The following COL21A1 variants were observed in gnomAD, a reference collection of about 807,000 sequenced individuals.
COL21A1 encodes collagen type XXI alpha 1 chain, also known as collagen alpha-1(XXI) chain.
Under a neutral mutation model 137.9 loss-of-function variants are expected in COL21A1, and 149 were observed. The ratio of observed to expected loss-of-function variants is 1.08; its 90% CI spans 0.95 to 1.24. The LOEUF is 1.24. Ranked by LOEUF, COL21A1 falls within the 50% of genes most tolerant of loss-of-function variation. The pLI, the probability that COL21A1 is intolerant of heterozygous loss-of-function variation, is 0.00. For synonymous variants in COL21A1, 456 were observed against 391.5 expected (o/e 1.16, Z -1.95); for missense variants, 1,167 against 1,158.4 (o/e 1.01, Z -0.11).
intron 1 of COL21A1, among the ~76,000 whole-genome samples, chr6:56,281,421 C>T (rs1043698367): frequency 1.3e-5 from 2 of 152,000 alleles, no homozygotes; most frequent in African/African-American, 4.8e-5. Flanking sequence ...TGAGGAAAAG[C>T]AAAAAGGTAA....
At chr6:56,345,387 G>T (rs986984112) in intron 1 of COL21A1, among the ~76,000 whole-genome samples, 1 of 152,122 alleles carries the variant, frequency 6.6e-6, no homozygotes, top group Non-Finnish European at 1.5e-5. Context: ...GCCCATATAT[G>T]ATCTAATTTT....
At chr6:56,351,865 A>G (rs1052734984) in intron 1 of COL21A1, among the ~76,000 whole-genome samples, 1 of 152,344 alleles carries the variant, frequency 6.6e-6, no homozygotes, top group African/African-American at 2.4e-5. Context: ...GTCTTACAAC[A>G]TGATATGTTA....
chr6:56,068,965 T>C (rs944404184), intron 22 of COL21A1, 81 bp downstream of exon 22: 2 of 839,828 alleles, frequency 2.4e-6, no homozygotes, highest in Non-Finnish European at 3.9e-6. Context: ...TAACAAGTCC[T>C]ACTTTAAGAA....
intron 1 of COL21A1, among the ~76,000 whole-genome samples, chr6:56,200,529 C>T (rs1251577979): frequency 1.4e-5 from 2 of 145,230 alleles, no homozygotes; most frequent in Non-Finnish European, 3.0e-5. Context: ...GTTCAATTCC[C>T]ACCTATGAGT....
chr6:56,126,885 T>C (rs2152215235), intron 12 of COL21A1, among the ~76,000 whole-genome samples: 1 of 152,310 alleles, frequency 6.6e-6, no homozygotes, highest in East Asian at 1.9e-4. Context: ...ATTATACTCC[T>C]AGCTTGTCTG....
chr6:56,060,763 T>G lies in COL21A1; in HGVS notation c.2385A>C (p.Gln795His), dbSNP rs574540808. 6.2e-7 allele frequency: 1 copy of G among 1,609,946 alleles called. No homozygotes were observed. The highest frequency in any genetic ancestry group is 1.1e-5 in the South Asian group (1 of 90,152). Residue 795 changes from glutamine (Q) to histidine (H), a missense_variant, in exon 27 of 30, where the codon CAA becomes CAC. Transcript: ENST00000244728. Reference sequence around the variant, plus strand: ...TACCTCTTATTACATCTGTGCAAACTTGTCGAATAAATTGTTCTGAAAACT... The same window carrying G: ...TACCTCTTATTACATCTGTGCAAACGTGTCGAATAAATTGTTCTGAAAACT... ...GREFSEQFIR[Q>H]VCTDVIRAQL...
At chr6:56,202,954 A>T (rs1224291587) in intron 1 of COL21A1, among the ~76,000 whole-genome samples, 1 of 152,180 alleles carries the variant, frequency 6.6e-6, no homozygotes, top group Non-Finnish European at 1.5e-5. Context: ...ACAGGATTCC[A>T]TTGGTGATTT....
rs1777765922 is a variant in COL21A1 at position 56,179,868 on chromosome 6, CCT to C, written c.348_349del (p.Gly117GlufsTer20). 1.2e-6 allele frequency: 2 copies of C among 1,613,786 alleles called. No homozygotes were observed. The highest frequency in any genetic ancestry group is 1.3e-5 in the African/African-American group (1 of 74,894). On this transcript the variant is annotated frameshift_variant, in exon 3 of 30. Coordinates refer to ENST00000244728, the MANE Select transcript of COL21A1 (RefSeq NM_030820.4). LOFTEE classifies it high-confidence loss of function. Reference sequence around the variant, plus strand: ...ATCGAGCGCAAACTGGATGGCCTTCCCTGTCTTTGTGTTTCCTCCTAAGTAGA... The same window carrying C: ...ATCGAGCGCAAACTGGATGGCCTTCCGTCTTTGTGTTTCCTCCTAAGTAGA...
In COL21A1 at chr6:56,174,005, G is replaced by A. The variant is rs7759984; in HGVS notation, c.641-2877C>T. 8.2e-3 allele frequency among the ~76,000 whole-genome samples: 1,245 copies of A among 152,024 alleles called. 19 individuals carry two copies. The highest frequency in any genetic ancestry group is 0.028 in the African/African-American group (1,171 of 41,464). ...ACCAGTATATTTTCCAACCACAATGGAATAAAACTAAAAATTAACAACAGG... is the reference window on the plus strand; with the variant it reads ...ACCAGTATATTTTCCAACCACAATGAAATAAAACTAAAAATTAACAACAGG... On this transcript the variant is annotated intron_variant, in intron 3 of 29. Coordinates refer to ENST00000244728, the MANE Select transcript of COL21A1 (RefSeq NM_030820.4).
Position 56,101,501 on chromosome 6 carries a change from G to C in COL21A1, c.1783C>G (p.Pro595Ala). The part of the protein sequence containing the change: ...FKGEAGSPGA[P>A]GQDGTRGEPG... ...TCTCCCCGTGTTCCATCCTGCCCCG[G>C]AGCACCAGGGGATCCTGCTTCTCCC... Residue 595 changes from proline to alanine, a missense_variant, in exon 17 of 30, where the codon CCG (proline) becomes GCG (alanine). Coordinates refer to ENST00000244728, the MANE Select transcript of COL21A1 (RefSeq NM_030820.4). The C allele has an allele frequency of 6.3e-7, 1 of 1,594,694 alleles. No homozygotes were observed. Among genetic ancestry groups the C allele is most frequent in the Non-Finnish European group, 8.6e-7 (1 of 1,169,552 alleles).
At chr6:56,282,620 T>C (rs1286013994) in intron 1 of COL21A1, among the ~76,000 whole-genome samples, 1 of 152,228 alleles carries the variant, frequency 6.6e-6, no homozygotes, top group Non-Finnish European at 1.5e-5. Context: ...GCCTGAAAAC[T>C]TCTGCCAGAT....
Position 56,125,949 on chromosome 6 carries a change from T to A in COL21A1, c.1596+147A>T, listed in dbSNP as rs1053858381. On this transcript the variant is annotated intron_variant, in intron 13 of 29. Transcript: ENST00000244728. ...AAAGGGAATTTTGTAAAGTTTTATA[T>A]AAACTAATATTAATCTTAGCCCATT... The A allele has an allele frequency of 1.9e-5, 10 of 534,124 alleles. 1 individual carries two copies. The Admixed American group carries it at 3.7e-4, about 20-fold the overall frequency. 33.1% of individuals were successfully genotyped at this position (534,124 alleles called of 1,614,324 possible).
intron 1 of COL21A1, among the ~76,000 whole-genome samples, chr6:56,330,431 T>C (rs1471897352): frequency 6.6e-6 from 1 of 152,122 alleles, no homozygotes; most frequent in Non-Finnish European, 1.5e-5. Context: ...TTTATTTTTA[T>C]TTTTCTGCTA....
chr6:56,291,122 CAGTG>C (rs1446394620), intron 1 of COL21A1, among the ~76,000 whole-genome samples: 1 of 152,116 alleles, frequency 6.6e-6, no homozygotes, highest in African/African-American at 2.4e-5. Context: ...GTTATCTGAA[CAGTG>C]AGAATCTTGT....
At chr6:56,364,654 C>T (rs75997673) in intron 1 of COL21A1, among the ~76,000 whole-genome samples, 2,889 of 152,104 alleles carry the variant, frequency 0.019, 46 homozygotes, top group East Asian at 0.057. Flanking sequence ...TTTTATCTTG[C>T]CTGGCTTTAG....
In COL21A1 at chr6:56,075,522, C is replaced by A; in HGVS notation, c.1868G>T (p.Gly623Val). 1.3e-6 allele frequency: 2 copies of A among 1,518,114 alleles called. No individual in the cohort carries two copies. The highest frequency in any genetic ancestry group is 1.8e-6 in the Non-Finnish European group (2 of 1,134,350). 94.0% of individuals were successfully genotyped at this position (1,518,114 alleles called of 1,614,324 possible). A position where few individuals can be genotyped will look rare whatever the true frequency, so the allele number is the denominator to read the frequency against. ...TTTTTTTCCTTGCTGTCCTGGAGGCCCAATTTCTCCCTAAAAAAATCAAAC... is the reference window on the plus strand; with the variant it reads ...TTTTTTTCCTTGCTGTCCTGGAGGCACAATTTCTCCCTAAAAAAATCAAAC... ...RGLMGQKGEI[G>V]PPGQQGKKGA... The change falls in exon 19 of 30, where the codon GGG becomes GTG. Residue 623 changes from glycine to valine, a missense_variant. Gly to Val is a moderately radical substitution (Grantham distance 109). Transcript: ENST00000244728.
rs75605879 is a variant in COL21A1, at chr6:56,101,513, A to G, written c.1771T>C (p.Ser591Pro). 5,121 of 1,591,044 alleles carry G rather than the reference A, an allele frequency of 3.2e-3. 161 individuals are homozygous for G. The African/African-American group carries it at 0.062, about 19-fold the overall frequency. The change falls in exon 17 of 30, where the codon TCC becomes CCC. Residue 591 changes from serine (S) to proline (P), a missense_variant. Physicochemically the swap from Ser to Pro is moderately conservative, Grantham distance 74. Coordinates refer to ENST00000244728, the MANE Select transcript of COL21A1 (RefSeq NM_030820.4). Reference sequence around the variant, plus strand: ...CCATCCTGCCCCGGAGCACCAGGGGATCCTGCTTCTCCCTTTTAATGATTT... The same window carrying G: ...CCATCCTGCCCCGGAGCACCAGGGGGTCCTGCTTCTCCCTTTTAATGATTT... ...GSPGFKGEAG[S>P]PGAPGQDGTR...
intron 1 of COL21A1, among the ~76,000 whole-genome samples, chr6:56,255,293 T>G (rs1782939333): frequency 1.3e-5 from 2 of 151,820 alleles, no homozygotes; most frequent in South Asian, 4.2e-4. Context: ...GTATAAAATC[T>G]TTTTTTCCTA....
At chr6:56,338,773 G>A (rs542852323) in intron 1 of COL21A1, among the ~76,000 whole-genome samples, 47 of 152,220 alleles carry the variant, frequency 3.1e-4, no homozygotes, top group Middle Eastern at 3.4e-3. Flanking sequence ...CACAGGAAGG[G>A]AGAAAGTAAT....
Sources: allele counts gnomAD v4.1 joint callset (sites outside exome capture counted in the v4.1 genomes callset), GRCh38; gene constraint gnomAD v4.1.1; transcripts MANE v1.5; gene names NCBI Gene and HGNC (gene_info 2026-07-23, HGNC 2026-07-21).